Variants in SV2C observed in about 807,000 individuals in gnomAD.
SV2C encodes the protein solute carrier family 22 member B3.
In SV2C, 49 loss-of-function variants were observed where a neutral mutation model predicts 79.7. That is an observed-to-expected ratio of 0.61 (90% CI 0.49 to 0.78). The LOEUF is 0.78. Among genes scored for constraint, SV2C ranks in the 30% least tolerant of loss-of-function variants. The pLI, the probability that SV2C is intolerant of heterozygous loss-of-function variation, is 0.00. For missense variants in SV2C, 833 were observed against 912.9 expected, an observed-to-expected ratio of 0.91 and a Z score of 1.13; for synonymous variants, 334 against 333.2, an observed-to-expected ratio of 1.00 and a Z score of -0.03.
chr5:76,084,898 T>TCCGCAGTGCG (rs1161076642), intron 1 of SV2C, among the ~76,000 whole-genome samples: 1 of 151,778 alleles, frequency 6.6e-6, no homozygotes, highest in African/African-American at 2.4e-5. Context: ...GGCAGGCGGC[T>TCCGCAGTGCG]CCGCAGTGCG....
the SV2C span, among the ~76,000 whole-genome samples, chr5:75,992,157 A>G: frequency 6.6e-6 from 1 of 152,114 alleles, no homozygotes; most frequent in East Asian, 1.9e-4. Context: ...CATGGTCTAT[A>G]TATCCAATTT....
intron 12 of SV2C, among the ~76,000 whole-genome samples, chr5:76,340,318 A>G (rs994033584): frequency 6.6e-6 from 1 of 152,202 alleles, no homozygotes; most frequent in Non-Finnish European, 1.5e-5. Flanking sequence ...TGCTCTTCCT[A>G]TGGAGTAGTC....
chr5:76,040,938 T>C, the SV2C span, among the ~76,000 whole-genome samples: 2 of 152,202 alleles, frequency 1.3e-5, no homozygotes, highest in Admixed American at 6.5e-5. Context: ...AGGCAACTTT[T>C]TACTGGTCTC....
chr5:76,061,757 G>A, the SV2C span, among the ~76,000 whole-genome samples: 2 of 152,082 alleles, frequency 1.3e-5, no homozygotes, highest in African/African-American at 4.8e-5. Flanking sequence ...AGTATTTAGA[G>A]AGGTATAGGA....
chr5:76,115,003 T>A (rs1346190860), intron 1 of SV2C, among the ~76,000 whole-genome samples: 3 of 152,232 alleles, frequency 2.0e-5, no homozygotes, highest in Non-Finnish European at 4.4e-5. Flanking sequence ...CCCATTTTAA[T>A]GTCACAAAGC....
At chr5:75,921,525 C>G in the SV2C span, 4 of 819,162 alleles carry the variant, frequency 4.9e-6, no homozygotes, top group South Asian at 5.3e-5. Flanking sequence ...GTGACAATCT[C>G]TGGGGAGATG....
chr5:76,249,282 G>A (rs959549002), intron 4 of SV2C, among the ~76,000 whole-genome samples: 2 of 152,126 alleles, frequency 1.3e-5, no homozygotes, highest in African/African-American at 4.8e-5. Context: ...TGTTAAGTGG[G>A]TGGTTCTGTA....
chr5:76,342,479 G>A (rs1311227244), intron 12 of SV2C, among the ~76,000 whole-genome samples: 1 of 152,218 alleles, frequency 6.6e-6, no homozygotes, highest in Non-Finnish European at 1.5e-5. Flanking sequence ...TGAATGCAAG[G>A]CCATGTGAAG....
At chr5:76,196,082 T>C (rs1744263870) in intron 3 of SV2C, among the ~76,000 whole-genome samples, 1 of 152,232 alleles carries the variant, frequency 6.6e-6, no homozygotes, top group East Asian at 1.9e-4. Context: ...AGCTATCAGT[T>C]GTGGTTGTTA....
At chr5:76,345,084 G>A (rs1464713786) in intron 12 of SV2C, among the ~76,000 whole-genome samples, 2 of 152,170 alleles carry the variant, frequency 1.3e-5, no homozygotes, top group Non-Finnish European at 2.9e-5. Context: ...GCCTTTTTAG[G>A]CAACTGGGAA....
intron 1 of SV2C, among the ~76,000 whole-genome samples, chr5:76,127,077 A>T (rs1422544228): frequency 6.6e-6 from 1 of 152,204 alleles, no homozygotes; most frequent in Admixed American, 6.5e-5. Flanking sequence ...TTGTTAGAAG[A>T]ATGGACTCTC....
the SV2C span, among the ~76,000 whole-genome samples, chr5:75,914,563 G>A: frequency 6.6e-6 from 1 of 152,120 alleles, no homozygotes; most frequent in African/African-American, 2.4e-5. Context: ...AATGGAGAGT[G>A]GTTGTTAATT....
intron 12 of SV2C, among the ~76,000 whole-genome samples, chr5:76,339,409 G>A (rs1443163450): frequency 6.6e-6 from 1 of 152,026 alleles, no homozygotes; most frequent in Non-Finnish European, 1.5e-5. Context: ...ATAGTTGTTT[G>A]GTTTTTTTTA....
At chr5:76,176,744 T>C (rs1204549636) in intron 2 of SV2C, among the ~76,000 whole-genome samples, 1 of 152,150 alleles carries the variant, frequency 6.6e-6, no homozygotes, top group Non-Finnish European at 1.5e-5. Flanking sequence ...TAGAATGAGG[T>C]TGCTTTTGAT....
the SV2C span, among the ~76,000 whole-genome samples, chr5:75,855,691 T>C: frequency 3.3e-5 from 5 of 152,194 alleles, no homozygotes; most frequent in African/African-American, 1.2e-4. Flanking sequence ...TAGGTGTATG[T>C]ATTTATGGGG....
intron 3 of SV2C, 102 bp downstream of exon 3, chr5:76,195,201 C>T: frequency 8.5e-7 from 1 of 1,175,092 alleles, no homozygotes; most frequent in Non-Finnish European, 1.2e-6. Context: ...CACACATCTC[C>T]TTCCATATCC....
the SV2C span, among the ~76,000 whole-genome samples, chr5:75,888,452 C>T: frequency 6.6e-6 from 1 of 152,014 alleles, no homozygotes; most frequent in African/African-American, 2.4e-5. Flanking sequence ...TCACTCACTC[C>T]ATTTTGGCCA....
the SV2C span, among the ~76,000 whole-genome samples, chr5:75,848,595 A>G: frequency 5.3e-5 from 8 of 152,344 alleles, no homozygotes; most frequent in African/African-American, 1.9e-4. Flanking sequence ...GAAAATCCAC[A>G]GAAACAACTT....
the SV2C span, among the ~76,000 whole-genome samples, chr5:75,981,798 A>G: frequency 1.3e-4 from 20 of 152,178 alleles, no homozygotes; most frequent in Admixed American, 3.9e-4. Flanking sequence ...TATTCAGGAC[A>G]TAGGCACAGG....
Sources: gnomAD v4.1 joint callset for allele counts (sites outside exome capture counted in the v4.1 genomes callset) on GRCh38, gnomAD v4.1.1 for gene constraint, MANE v1.5 for transcripts, NCBI Gene and HGNC (gene_info 2026-07-23, HGNC 2026-07-21) for gene names.